SAMMSON: variants seen among roughly 807,000 people sequenced by gnomAD.
The protein encoded by SAMMSON is long intergenic non-protein coding RNA 1212.
chr3:70,287,594 C>T (rs1702179352), intron 6 of SAMMSON, among the ~76,000 whole-genome samples: 1 of 151,926 alleles, frequency 6.6e-6, no homozygotes, highest in Admixed American at 6.6e-5. Context: ...GGGAGGATTC[C>T]CTCTTTTTCT....
chr3:70,250,512 G>C (rs1701754525), intron 6 of SAMMSON, among the ~76,000 whole-genome samples: 2 of 151,524 alleles, frequency 1.3e-5, no homozygotes, highest in Non-Finnish European at 2.9e-5. Context: ...ATTTCTTTGA[G>C]CTTTTAGATA....
intron 7 of SAMMSON, among the ~76,000 whole-genome samples, chr3:70,308,534 A>G (rs1702424724): frequency 6.6e-6 from 1 of 152,142 alleles, no homozygotes. Context: ...CTTTGACACC[A>G]CCACTGATGT....
intron 4 of SAMMSON, among the ~76,000 whole-genome samples, chr3:70,186,474 C>G (rs370096425): frequency 6.6e-6 from 1 of 151,932 alleles, no homozygotes; most frequent in Non-Finnish European, 1.5e-5. Flanking sequence ...TGAGGTCTCA[C>G]TCTGTTGCCC....
At chr3:70,071,251 G>T (rs1011824335) in intron 3 of SAMMSON, among the ~76,000 whole-genome samples, 1 of 151,968 alleles carries the variant, frequency 6.6e-6, no homozygotes, top group Non-Finnish European at 1.5e-5. Flanking sequence ...TCTGGTTTCT[G>T]TCTCCTTTCT....
At chr3:70,159,459 G>C (rs1391384608) in intron 4 of SAMMSON, 2 of 151,736 alleles carry the variant, frequency 1.3e-5, no homozygotes, top group East Asian at 3.9e-4. Flanking sequence ...TTAGCATTTT[G>C]AGAAACTTCT....
At chr3:70,103,994 C>T (rs1345106499) in intron 4 of SAMMSON, among the ~76,000 whole-genome samples, 6 of 138,712 alleles carry the variant, frequency 4.3e-5, no homozygotes, top group African/African-American at 1.3e-4. Context: ...TTCATTTAAG[C>T]TTTTTTTTTT....
At chr3:70,024,575 C>T (rs1408057035) in intron 3 of SAMMSON, among the ~76,000 whole-genome samples, 1 of 152,186 alleles carries the variant, frequency 6.6e-6, no homozygotes, top group African/African-American at 2.4e-5. Flanking sequence ...CCACCATGCT[C>T]TGCTGCCTCC....
chr3:70,030,710 C>T (rs2067062318), intron 3 of SAMMSON: 1 of 151,888 alleles, frequency 6.6e-6, no homozygotes, highest in African/African-American at 2.4e-5. Flanking sequence ...ATAAATAATC[C>T]AATTCAAAAA....
intron 4 of SAMMSON, among the ~76,000 whole-genome samples, chr3:70,148,611 C>A (rs537296565): frequency 6.6e-4 from 100 of 152,118 alleles, no homozygotes; most frequent in African/African-American, 2.0e-3. Context: ...TGAAGGGGAG[C>A]TGGTGTGTGC....
intron 2 of SAMMSON, chr3:70,425,044 A>C (rs1199179467): frequency 1.3e-5 from 2 of 152,744 alleles, no homozygotes; most frequent in Admixed American, 1.3e-4. Context: ...GGGAGGAAGA[A>C]GAAAAGGGGA....
At chr3:70,280,529 C>G (rs1048718810) in intron 6 of SAMMSON, among the ~76,000 whole-genome samples, 1 of 152,168 alleles carries the variant, frequency 6.6e-6, no homozygotes, top group Non-Finnish European at 1.5e-5. Context: ...GAAGCATTAT[C>G]TCTACTTTTG....
chr3:70,028,483 G>A (rs1259099370), intron 3 of SAMMSON, among the ~76,000 whole-genome samples: 1 of 152,130 alleles, frequency 6.6e-6, no homozygotes, highest in Non-Finnish European at 1.5e-5. Flanking sequence ...TCTTTGAAAA[G>A]ATTTGTGGGT....
At chr3:70,161,852 T>C (rs1186093632) in intron 4 of SAMMSON, among the ~76,000 whole-genome samples, 1 of 149,608 alleles carries the variant, frequency 6.7e-6, no homozygotes, top group Non-Finnish European at 1.5e-5. Context: ...TCAAATTTTC[T>C]ATTTTTTCTT....
chr3:70,073,951 A>G (rs2067239038), intron 4 of SAMMSON, among the ~76,000 whole-genome samples: 1 of 152,038 alleles, frequency 6.6e-6, no homozygotes. Flanking sequence ...CCTTGTAAGT[A>G]AAGTCTCTGG....
chr3:70,298,271 C>T (rs1702310513), intron 7 of SAMMSON, among the ~76,000 whole-genome samples: 4 of 152,008 alleles, frequency 2.6e-5, no homozygotes, highest in Admixed American at 2.6e-4. Flanking sequence ...ATTTTTTCCC[C>T]ACACTTTGAT....
chr3:70,301,533 G>A lies in SAMMSON; in HGVS notation n.739+10290G>A, dbSNP rs112820843. Among the ~76,000 whole-genome samples, 1,197 of 152,178 alleles carry A rather than the reference G, an allele frequency of 7.9e-3. 13 individuals carry two copies. The highest frequency in any genetic ancestry group is 0.018 in the South Asian group (85 of 4,828). Reference sequence around the variant, plus strand: ...CCTTGTGTAAGTATGTGTCTTGCAGGAAATGAAAACATTTGTTGATTTCAT... The same window carrying A: ...CCTTGTGTAAGTATGTGTCTTGCAGAAAATGAAAACATTTGTTGATTTCAT... On this transcript the variant is annotated intron_variant and non_coding_transcript_variant, in intron 7 of 9. Coordinates refer to ENST00000642114, the Ensembl canonical transcript of SAMMSON.
At chr3:70,016,050 A>G (rs986460193) in intron 3 of SAMMSON, among the ~76,000 whole-genome samples, 12 of 152,224 alleles carry the variant, frequency 7.9e-5, no homozygotes, top group African/African-American at 2.7e-4. Context: ...TTATAGCAGC[A>G]TGATTTATAA....
At chr3:70,345,945 T>G (rs769881754) in intron 7 of SAMMSON, among the ~76,000 whole-genome samples, 1 of 152,214 alleles carries the variant, frequency 6.6e-6, no homozygotes, top group Non-Finnish European at 1.5e-5. Flanking sequence ...TAAATATTTG[T>G]GTGCAAGTTT....
intron 4 of SAMMSON, among the ~76,000 whole-genome samples, chr3:70,158,152 G>T (rs2067599686): frequency 6.6e-6 from 1 of 152,008 alleles, no homozygotes; most frequent in South Asian, 2.1e-4. Flanking sequence ...ACTAGTTTTA[G>T]AACATTTTTA....
Sources: gnomAD v4.1 joint callset for allele counts (sites outside exome capture counted in the v4.1 genomes callset) on GRCh38, gnomAD v4.1.1 for gene constraint, MANE v1.5 for transcripts, NCBI Gene and HGNC (gene_info 2026-07-23, HGNC 2026-07-21) for gene names.